MOV10L1: variants seen among roughly 807,000 people sequenced by gnomAD.
MOV10L1 encodes Mov10 like RNA helicase 1.
A neutral mutation model predicts 143.8 loss-of-function variants in MOV10L1; 110 were observed. The ratio of observed to expected loss-of-function variants is 0.76; its 90% CI spans 0.66 to 0.90. The LOEUF (loss-of-function observed/expected upper bound fraction) is 0.90, where lower values mean the gene tolerates loss of function less well. Ranked by LOEUF, MOV10L1 falls within the 40% of genes least tolerant of loss-of-function variation. The probability of loss-of-function intolerance (pLI) is 0.00; values close to 1 mark genes in which losing one functional copy is unlikely to be tolerated. For synonymous variants in MOV10L1, 593 were observed against 581.1 expected (o/e 1.02, Z -0.29); for missense variants, 1,406 against 1,526.8 (o/e 0.92, Z 1.32).
At chr22:50,093,976 T>A (rs1181425199) in intron 2 of MOV10L1, 1 of 152,236 alleles carries the variant, frequency 6.6e-6, no homozygotes, top group African/African-American at 2.4e-5. Context: ...GAATCCCACC[T>A]GCATGTGATG....
In MOV10L1 at chr22:50,133,987, T is replaced by C. The variant is rs776038568; in HGVS notation, c.1911-20T>C. On this transcript the variant is annotated intron_variant, in intron 13 of 26. Coordinates refer to ENST00000262794, the MANE Select transcript of MOV10L1 (RefSeq NM_018995.3). Reference sequence around the variant, plus strand: ...TCTGAATGTAAGGTTAGTTATTTTATGTGGTTTTCTTTCCTGCAGGACCAC... The same window carrying C: ...TCTGAATGTAAGGTTAGTTATTTTACGTGGTTTTCTTTCCTGCAGGACCAC... 3.1e-6 allele frequency: 5 copies of C among 1,603,856 alleles called. No individual in the cohort carries two copies. The highest frequency in any genetic ancestry group is 4.3e-6 in the Non-Finnish European group (5 of 1,176,216).
In MOV10L1 at chr22:50,090,545, C is replaced by G. The variant is rs149871903; in HGVS notation, c.97+360C>G. 12 of 1,598,194 alleles carry G rather than the reference C, an allele frequency of 7.5e-6. No homozygotes were observed. The Admixed American group carries it at 1.6e-4, about 21-fold the overall frequency. ...TAGAAAGCCCCGAAAAACGCGGCCC[C>G]GCAGACTTGGCCTGTCCTTTCAGAA... On this transcript the variant is annotated intron_variant, in intron 1 of 26. Coordinates refer to ENST00000262794, the MANE Select transcript of MOV10L1 (RefSeq NM_018995.3).
Position 50,115,094 on chromosome 22 carries a change from A to C in MOV10L1, c.1127-20A>C. On this transcript the variant is annotated intron_variant, in intron 7 of 26. Coordinates refer to ENST00000262794, the MANE Select transcript of MOV10L1 (RefSeq NM_018995.3). ...AATTTACCTTTTGGTCAACTTTTGT[A>C]TTAAAATTTTATTTCCCAGGTGATT... 4 of 1,558,080 alleles carry C rather than the reference A, an allele frequency of 2.6e-6. No individual in the cohort carries two copies. Among genetic ancestry groups the C allele is most frequent in the Non-Finnish European group, 3.4e-6 (4 of 1,160,886 alleles).
Position 50,143,212 on chromosome 22 carries a change from TG to T in MOV10L1, c.2350del (p.Val784PhefsTer14), listed in dbSNP as rs1745369869. The T allele has an allele frequency of 6.2e-7, 1 of 1,614,000 alleles. No individual in the cohort carries two copies. The highest frequency in any genetic ancestry group is 8.5e-7 in the Non-Finnish European group (1 of 1,180,044). On this transcript the variant is annotated frameshift_variant, in exon 17 of 27. Coordinates refer to ENST00000262794, the MANE Select transcript of MOV10L1 (RefSeq NM_018995.3). LOFTEE classifies it high-confidence loss of function. ...TGKTVTIIEA[V>X]LQVHFALPDS... ...GAAAGACAGTGACAATAATAGAGGC[TG>T]TTTTACAGGTAAGGACAGCGGCGCC... is the stretch of plus-strand genomic sequence containing the variant.
chr22:50,146,964 C>T (rs1301554203), intron 19 of MOV10L1: 54 of 1,178,120 alleles, frequency 4.6e-5, no homozygotes, highest in Non-Finnish European at 5.4e-5. Context: ...GTGCGGTGCC[C>T]GAGAGCCGTG....
chr22:50,099,430 G>A lies in MOV10L1; in HGVS notation c.283-13G>A, dbSNP rs369649531. ...CTCGTATTATGGTTTAGAGCGGTGT[G>A]TTTGTTTTACAGGTAGAAGCTGTCT... On this transcript the variant is annotated splice_polypyrimidine_tract_variant and intron_variant, in intron 2 of 26. Transcript: ENST00000262794. 5.8e-5 allele frequency: 93 copies of A among 1,612,648 alleles called. No homozygotes were observed. Among genetic ancestry groups the A allele is most frequent in the Non-Finnish European group, 7.0e-5 (82 of 1,179,028 alleles).
chr22:50,142,038 A>G (rs2063002855), intron 15 of MOV10L1, 43 bp from the exon 16 acceptor site: 1 of 1,554,096 alleles, frequency 6.4e-7, no homozygotes, highest in Non-Finnish European at 8.8e-7. Flanking sequence ...CAGTGTAAAC[A>G]CAGCTGTTTT....
intron 22 of MOV10L1, among the ~76,000 whole-genome samples, chr22:50,155,199 A>G (rs1206991559): frequency 6.6e-6 from 1 of 151,922 alleles, no homozygotes; most frequent in Non-Finnish European, 1.5e-5. Flanking sequence ...TGGTTTAACA[A>G]CAACAGCAAA....
intron 3 of MOV10L1, among the ~76,000 whole-genome samples, chr22:50,100,486 C>T (rs914053048): frequency 6.6e-6 from 1 of 152,008 alleles, no homozygotes; most frequent in African/African-American, 2.4e-5. Flanking sequence ...TTGTACGTTT[C>T]CTAAAGTATA....
intron 5 of MOV10L1, among the ~76,000 whole-genome samples, chr22:50,112,861 G>A (rs1364756185): frequency 3.3e-5 from 5 of 152,336 alleles, no homozygotes; most frequent in South Asian, 2.1e-4. Flanking sequence ...CATCAGCAAC[G>A]CTGTGGACTC....
Position 50,158,474 on chromosome 22 carries a change from T to C in MOV10L1, c.3216+268T>C. On this transcript the variant is annotated intron_variant, in intron 23 of 26. Transcript: ENST00000262794. The surrounding 1 kb of genome is among the most constrained non-coding windows in gnomAD (Gnocchi z 5.0). Reference sequence around the variant, plus strand: ...GGTTACATTTATATGTCCCTTGATATTTGGCCCTTTGGGAAAACATTTGCC... The same window carrying C: ...GGTTACATTTATATGTCCCTTGATACTTGGCCCTTTGGGAAAACATTTGCC... 2 of 425,676 alleles carry C rather than the reference T, an allele frequency of 4.7e-6. No homozygotes were observed. The highest frequency in any genetic ancestry group is 3.4e-5 in the South Asian group (1 of 28,988). 26.4% of individuals were successfully genotyped at this position (425,676 alleles called of 1,614,324 possible). A position where few individuals can be genotyped will look rare whatever the true frequency, so the allele number is the denominator to read the frequency against.
intron 3 of MOV10L1, among the ~76,000 whole-genome samples, chr22:50,103,070 A>G (rs1252086628): frequency 6.6e-6 from 1 of 152,130 alleles, no homozygotes; most frequent in Non-Finnish European, 1.5e-5. Context: ...AGGTAATGCC[A>G]GCCGGCCTGG....
intron 9 of MOV10L1, among the ~76,000 whole-genome samples, chr22:50,118,500 T>C (rs904036584): frequency 4.6e-5 from 7 of 152,214 alleles, no homozygotes; most frequent in Non-Finnish European, 8.8e-5. Flanking sequence ...AGTGGGTTTC[T>C]GAGAAAAGAA....
intron 14 of MOV10L1, 100 bp downstream of exon 14, chr22:50,134,165 A>G: frequency 2.2e-6 from 2 of 912,910 alleles, no homozygotes; most frequent in Non-Finnish European, 3.2e-6. Context: ...TCATAATATT[A>G]GAAGTAAAAC....
intron 15 of MOV10L1, among the ~76,000 whole-genome samples, chr22:50,138,993 T>G (rs1266422387): frequency 6.6e-6 from 1 of 151,874 alleles, no homozygotes; most frequent in African/African-American, 2.4e-5. Flanking sequence ...TGAGCCACCA[T>G]GCCAGGCCTG....
At chr22:50,122,430 C>G (rs550572818) in intron 10 of MOV10L1, among the ~76,000 whole-genome samples, 3 of 152,140 alleles carry the variant, frequency 2.0e-5, no homozygotes, top group African/African-American at 7.2e-5. Context: ...TTTATTTATT[C>G]TAACAGTTTT....
At chr22:50,140,804 C>T (rs1201218640) in intron 15 of MOV10L1, among the ~76,000 whole-genome samples, 1 of 151,846 alleles carries the variant, frequency 6.6e-6, no homozygotes, top group Non-Finnish European at 1.5e-5. Flanking sequence ...CTCACTGCAA[C>T]CTTGACCTCC....
At chr22:50,149,303 C>T (rs908590404) in intron 19 of MOV10L1, 4 of 337,964 alleles carry the variant, frequency 1.2e-5, no homozygotes, top group African/African-American at 2.1e-5. Flanking sequence ...GAGCCTGCGG[C>T]GCTTCTCCTG....
chr22:50,090,044 G>GGCGGCGGCA lies in MOV10L1; in HGVS notation c.-37_-29dup. ...GGCGGGAGCGGCGCGGGCGCGTGCG[G>GGCGGCGGCA]GCGGCGGCAGCGGCGGTGACGGCAG... On this transcript the variant is annotated 5_prime_UTR_variant, in exon 1 of 27. Coordinates refer to ENST00000262794, the MANE Select transcript of MOV10L1 (RefSeq NM_018995.3). 1 of 974,328 alleles carries GGCGGCGGCA rather than the reference G, an allele frequency of 1.0e-6. No individual in the cohort carries two copies. The highest frequency in any genetic ancestry group is 1.3e-6 in the Non-Finnish European group (1 of 773,734). The allele number at this position is 974,328 out of a possible 1,614,324, so 60.4% of individuals were successfully genotyped here.
Sources: gnomAD v4.1 joint callset for allele counts (sites outside exome capture counted in the v4.1 genomes callset) on GRCh38, gnomAD v4.1.1 for gene constraint, Gnocchi (gnomAD v3.1) non-coding constraint, MANE v1.5 for transcripts, NCBI Gene and HGNC (gene_info 2026-07-23, HGNC 2026-07-21) for gene names.